The following PRELID2 variants were observed in gnomAD, a reference collection of about 807,000 sequenced individuals.
PRELID2 encodes the protein PRELI domain containing 2, also known as PRELI domain-containing protein 2.
Under a neutral mutation model 28.4 loss-of-function variants are expected in PRELID2, and 25 were observed. That is an observed-to-expected ratio of 0.88 (90% CI 0.64 to 1.23). The LOEUF (loss-of-function observed/expected upper bound fraction) is 1.23. Among genes scored for constraint, PRELID2 ranks in the 50% most tolerant of loss-of-function variants. PRELID2 has a pLI of 0.00. For missense variants in PRELID2, 201 were observed against 214.4 expected (o/e 0.94, Z 0.39); for synonymous variants, 76 against 71.6 (o/e 1.06, Z -0.31).
At chr5:145,737,725 C>G (rs1756537170) in intron 1 of PRELID2, among the ~76,000 whole-genome samples, 1 of 151,600 alleles carries the variant, frequency 6.6e-6, no homozygotes, top group Admixed American at 6.6e-5. Context: ...ACTGACTCAC[C>G]ATAACCCACA....
intron 5 of PRELID2, among the ~76,000 whole-genome samples, chr5:145,770,137 T>C (rs1581168010): frequency 6.6e-6 from 1 of 152,194 alleles, no homozygotes; most frequent in African/African-American, 2.4e-5. Context: ...AATTATAACA[T>C]CATAATACTT....
chr5:145,786,340 C>T (rs1051248113), intron 5 of PRELID2, among the ~76,000 whole-genome samples: 1 of 152,100 alleles, frequency 6.6e-6, no homozygotes, highest in African/African-American at 2.4e-5. Flanking sequence ...GAAAAGAATA[C>T]AGAAAATAAA....
the PRELID2 span, among the ~76,000 whole-genome samples, chr5:145,414,361 AACC>A: frequency 6.6e-6 from 1 of 152,170 alleles, no homozygotes; most frequent in African/African-American, 2.4e-5. Context: ...GCCCTTCCAT[AACC>A]ACCACAACGA....
chr5:145,375,438 G>A, the PRELID2 span, among the ~76,000 whole-genome samples: 1 of 152,104 alleles, frequency 6.6e-6, no homozygotes, highest in Non-Finnish European at 1.5e-5. Flanking sequence ...CCTTGTTGGA[G>A]GGTCTCACCC....
the PRELID2 span, among the ~76,000 whole-genome samples, chr5:145,258,065 C>T: frequency 6.6e-6 from 1 of 152,232 alleles, no homozygotes. Context: ...TCTTTCTTTG[C>T]CTTCCATAAT....
intron 2 of PRELID2, among the ~76,000 whole-genome samples, chr5:145,820,702 G>A (rs1485090302): frequency 6.6e-6 from 1 of 152,128 alleles, no homozygotes. Context: ...AGAAGAAGAA[G>A]GAATTCGACT....
intron 1 of PRELID2, among the ~76,000 whole-genome samples, chr5:145,669,302 G>C (rs1368498211): frequency 3.9e-5 from 6 of 152,072 alleles, no homozygotes; most frequent in African/African-American, 1.4e-4. Context: ...TTGCAACCAA[G>C]ATATCAATAA....
chr5:145,572,553 G>A (rs947934468), intron 1 of PRELID2, among the ~76,000 whole-genome samples: 11 of 152,108 alleles, frequency 7.2e-5, no homozygotes, highest in South Asian at 4.1e-4. Context: ...TTTTAGTTAT[G>A]AGAAGATGAC....
chr5:145,503,586 A>C (rs1219106724), intron 1 of PRELID2, among the ~76,000 whole-genome samples: 1 of 152,166 alleles, frequency 6.6e-6, no homozygotes. Context: ...TAAGGTATAG[A>C]GAGGTTAAGA....
rs188402671 is a variant in PRELID2, at chr5:145,626,371, A to G, written n.70+138560T>C. ...AATCCTATTTAAAAGTGGGCAAAGA[A>G]GAGCTGTTTTTCAAAAGAAAGCATA... On this transcript the variant is annotated intron_variant and non_coding_transcript_variant, in intron 1 of 2. Transcript: ENST00000510259. Among the ~76,000 whole-genome samples the G allele has an allele frequency of 1.6e-3, 243 of 152,296 alleles. 1 individual carries two copies. The highest frequency in any genetic ancestry group is 6.8e-3 in the Middle Eastern group (2 of 294).
At chr5:145,640,452 G>A (rs1182344689) in intron 1 of PRELID2, among the ~76,000 whole-genome samples, 11 of 146,074 alleles carry the variant, frequency 7.5e-5, no homozygotes, top group Admixed American at 6.2e-4. Context: ...CTCCAGCCTG[G>A]GCGACAGAGC....
chr5:145,450,328 G>A, the PRELID2 span, among the ~76,000 whole-genome samples: 1 of 151,980 alleles, frequency 6.6e-6, no homozygotes, highest in African/African-American at 2.4e-5. Flanking sequence ...GGCAATCATC[G>A]AAGCCACCCA....
rs1354068739 is a variant in PRELID2 at position 145,759,706 on chromosome 5, T to C, written c.*830A>G. On this transcript the variant is annotated 3_prime_UTR_variant, in exon 7 of 7. Coordinates refer to ENST00000683046, the MANE Select transcript of PRELID2 (RefSeq NM_205846.3). Reference sequence around the variant, plus strand: ...TCAAACCCAGGTCTGTCTGTTGACTTAAAACCCTGCACAAAATTACCTTCT... The same window carrying C: ...TCAAACCCAGGTCTGTCTGTTGACTCAAAACCCTGCACAAAATTACCTTCT... 1 of 152,226 alleles carries C rather than the reference T, an allele frequency of 6.6e-6. No homozygotes were observed. Among genetic ancestry groups the C allele is most frequent in the Non-Finnish European group, 1.5e-5 (1 of 68,042 alleles). 9.4% of individuals were successfully genotyped at this position (152,226 alleles called of 1,614,324 possible). A position where few individuals can be genotyped will look rare whatever the true frequency, so the allele number is the denominator to read the frequency against.
At position 145,645,914 on chromosome 5, in the gene PRELID2, C is replaced by T. The variant is rs141354607; in HGVS notation, n.70+119017G>A. ...CAGAAAAGATCCGCTGTTAATCTGA[C>T]GGGCTTCCCTTTGTGGGTAACCCGA... On this transcript the variant is annotated intron_variant and non_coding_transcript_variant, in intron 1 of 2. Coordinates refer to the PRELID2 transcript ENST00000510259. Among the ~76,000 whole-genome samples the T allele has an allele frequency of 1.7e-3, 265 of 152,276 alleles. 2 individuals are homozygous for T. Among genetic ancestry groups the T allele is most frequent in the Middle Eastern group, 6.8e-3 (2 of 294 alleles).
At chr5:145,617,502 G>A (rs1753715290) in intron 1 of PRELID2, among the ~76,000 whole-genome samples, 1 of 152,182 alleles carries the variant, frequency 6.6e-6, no homozygotes, top group Admixed American at 6.5e-5. Context: ...TCCCTCAACA[G>A]GTTGGGTCAT....
At chr5:145,401,424 T>C in the PRELID2 span, among the ~76,000 whole-genome samples, 1 of 152,276 alleles carries the variant, frequency 6.6e-6, no homozygotes, top group Non-Finnish European at 1.5e-5. Flanking sequence ...ATTAATCCGG[T>C]GTTCAAATAA....
chr5:145,606,212 A>G (rs758381244), intron 1 of PRELID2, among the ~76,000 whole-genome samples: 11 of 152,118 alleles, frequency 7.2e-5, no homozygotes, highest in Non-Finnish European at 1.3e-4. Flanking sequence ...ATCATCTACA[A>G]ACAGAGATAG....
the PRELID2 span, among the ~76,000 whole-genome samples, chr5:145,374,149 C>T: frequency 1.3e-5 from 2 of 151,586 alleles, no homozygotes; most frequent in Admixed American, 1.3e-4. Context: ...TTTAGTGCTT[C>T]TTTCAGGAGC....
intron 1 of PRELID2, among the ~76,000 whole-genome samples, chr5:145,611,696 T>C (rs554558541): frequency 1.3e-5 from 2 of 152,344 alleles, no homozygotes; most frequent in South Asian, 2.1e-4. Flanking sequence ...TTTTTAAAAT[T>C]AATTTTCCAC....
Sources: allele counts gnomAD v4.1 joint callset (sites outside exome capture counted in the v4.1 genomes callset), GRCh38; gene constraint gnomAD v4.1.1; transcripts MANE v1.5; gene names NCBI Gene and HGNC (gene_info 2026-07-23, HGNC 2026-07-21).